Variants in VPS50 observed in about 807,000 individuals in gnomAD.
VPS50 encodes syndetin.
In VPS50, 70 loss-of-function variants were observed where a neutral mutation model predicts 139.7. The observed-to-expected ratio is 0.50, with a 90% confidence interval of 0.41 to 0.61. VPS50 has a LOEUF of 0.61. VPS50 is among the 20% of genes least tolerant of loss of function. VPS50 has a pLI of 0.00. For missense variants in VPS50, 921 were observed against 1,133.7 expected, an observed-to-expected ratio of 0.81 and a Z score of 2.69; for synonymous variants, 365 against 376.7, an observed-to-expected ratio of 0.97 and a Z score of 0.36.
At chr7:93,253,188 G>A (rs776518831) in intron 3 of VPS50, among the ~76,000 whole-genome samples, 14 of 152,126 alleles carry the variant, frequency 9.2e-5, no homozygotes, top group African/African-American at 2.4e-4. Flanking sequence ...GAACTTTAAC[G>A]AAAGTCAGAA....
At chr7:93,277,526 C>T (rs1796194899) in intron 12 of VPS50, among the ~76,000 whole-genome samples, 1 of 152,128 alleles carries the variant, frequency 6.6e-6, no homozygotes, top group Non-Finnish European at 1.5e-5. Flanking sequence ...GTCAAACCTG[C>T]TGGTTATATG....
Position 93,258,292 on chromosome 7 carries a change from T to A in VPS50, c.540+16T>A. On this transcript the variant is annotated intron_variant, in intron 7 of 27. Coordinates refer to ENST00000305866, the MANE Select transcript of VPS50 (RefSeq NM_017667.4). ...AAAAACATTGGTATATATGGGTCAT[T>A]TAAAAAAATTAAAACTGAATTTTGT... is the stretch of plus-strand genomic sequence containing the variant. 6.3e-7 allele frequency: 1 copy of A among 1,579,000 alleles called. No individual in the cohort carries two copies. Among genetic ancestry groups the A allele is most frequent in the South Asian group, 1.1e-5 (1 of 89,974 alleles).
intron 11 of VPS50, among the ~76,000 whole-genome samples, chr7:93,273,713 G>A (rs1796076143): frequency 6.6e-6 from 1 of 151,990 alleles, no homozygotes; most frequent in Non-Finnish European, 1.5e-5. Flanking sequence ...TTACCTTTTA[G>A]TGAGGGATAC....
chr7:93,348,578 G>T, intron 23 of VPS50, 133 bp from the exon 24 acceptor site: 1 of 615,798 alleles, frequency 1.6e-6, no homozygotes, highest in South Asian at 2.0e-5. Flanking sequence ...GTACAGGTTC[G>T]TCCACTAAAG....
intron 23 of VPS50, among the ~76,000 whole-genome samples, chr7:93,343,788 T>C (rs1448501644): frequency 1.3e-5 from 2 of 152,024 alleles, no homozygotes; most frequent in Admixed American, 6.5e-5. Context: ...CTGAGAGATT[T>C]TGTCACCACC....
rs1255790831 is a variant in VPS50, at chr7:93,258,283, A to G, written c.540+7A>G. On this transcript the variant is annotated splice_region_variant and intron_variant, in intron 7 of 27. Transcript: ENST00000305866. ...GAGAACTATAAAAACATTGGTATAT[A>G]TGGGTCATTTAAAAAAATTAAAACT... 1 of 1,564,340 alleles carries G rather than the reference A, an allele frequency of 6.4e-7. No individual in the cohort carries two copies. The highest frequency in any genetic ancestry group is 1.4e-5 in the African/African-American group (1 of 73,818).
rs534270752 is a variant in VPS50, at chr7:93,269,401, T to C, written c.660-1819T>C. 5.9e-5 allele frequency among the ~76,000 whole-genome samples: 9 copies of C among 152,198 alleles called. No homozygotes were observed. In the South Asian group the frequency reaches 1.9e-3, roughly 32 times the overall value. On this transcript the variant is annotated intron_variant, in intron 9 of 27. Transcript: ENST00000305866. ...CTAATAAGGTATCAGTCCTACACTG[T>C]TAATTGTCAAAGGATATAGTTTTGC...
chr7:93,322,732 A>G (rs1469714009), intron 20 of VPS50, among the ~76,000 whole-genome samples: 1 of 152,148 alleles, frequency 6.6e-6, no homozygotes, highest in Non-Finnish European at 1.5e-5. Context: ...TCTGTAGAAG[A>G]AAGTATAGAG....
At chr7:93,299,138 A>G (rs1796900524) in intron 16 of VPS50, among the ~76,000 whole-genome samples, 2 of 152,146 alleles carry the variant, frequency 1.3e-5, no homozygotes, top group African/African-American at 4.8e-5. Flanking sequence ...TCTAGTTTCT[A>G]TCCTGTCTGT....
At chr7:93,353,426 G>A (rs1344653211) in intron 25 of VPS50, among the ~76,000 whole-genome samples, 2 of 152,132 alleles carry the variant, frequency 1.3e-5, no homozygotes, top group Non-Finnish European at 2.9e-5. Context: ...AAAATGTAGT[G>A]TACTCTGTAC....
intron 20 of VPS50, among the ~76,000 whole-genome samples, chr7:93,311,607 A>G (rs1230849320): frequency 6.6e-6 from 1 of 152,100 alleles, no homozygotes; most frequent in Non-Finnish European, 1.5e-5. Flanking sequence ...CATTTATACA[A>G]TATTTTTGTA....
intron 9 of VPS50, among the ~76,000 whole-genome samples, chr7:93,270,712 A>G (rs561452514): frequency 5.3e-5 from 8 of 152,038 alleles, no homozygotes; most frequent in East Asian, 1.9e-4. Flanking sequence ...TGTTTGCTCA[A>G]CGTCCTTGCC....
chr7:93,256,600 T>G, intron 5 of VPS50, 38 bp downstream of exon 5: 1 of 1,121,764 alleles, frequency 8.9e-7, no homozygotes, highest in Non-Finnish European at 1.3e-6. Context: ...GTAGAATTTT[T>G]AAATGTTTGA....
intron 2 of VPS50, among the ~76,000 whole-genome samples, chr7:93,245,218 A>T (rs1240419947): frequency 6.6e-6 from 1 of 151,764 alleles, no homozygotes; most frequent in African/African-American, 2.4e-5. Context: ...TGAGTTGTTG[A>T]GTAGAGGTTG....
chr7:93,281,748 C>T (rs1157623999), intron 12 of VPS50, among the ~76,000 whole-genome samples: 2 of 151,962 alleles, frequency 1.3e-5, no homozygotes, highest in Admixed American at 1.3e-4. Flanking sequence ...AATTATACAA[C>T]TAAAACATTA....
chr7:93,236,031 AG>A (rs1316419702), intron 1 of VPS50, among the ~76,000 whole-genome samples: 4 of 152,242 alleles, frequency 2.6e-5, no homozygotes, highest in African/African-American at 9.6e-5. Context: ...AGAAGTCTTT[AG>A]CTTCCTGAAT....
chr7:93,356,148 T>C, intron 27 of VPS50, 68 bp downstream of exon 27: 1 of 759,392 alleles, frequency 1.3e-6, no homozygotes, highest in Non-Finnish European at 2.0e-6. Flanking sequence ...GTTGGGTGTG[T>C]TATTTAATTC....
intron 1 of VPS50, among the ~76,000 whole-genome samples, chr7:93,237,221 G>A (rs1296852396): frequency 6.6e-6 from 1 of 151,880 alleles, no homozygotes; most frequent in Non-Finnish European, 1.5e-5. Context: ...CTCCCAAAGT[G>A]CTGGGATTAC....
chr7:93,301,409 G>T (rs1193651977), intron 16 of VPS50, among the ~76,000 whole-genome samples: 1 of 152,094 alleles, frequency 6.6e-6, no homozygotes, highest in Non-Finnish European at 1.5e-5. Flanking sequence ...AATAATGCAG[G>T]AACCAACTTT....
Sources: gnomAD v4.1 joint callset for allele counts (sites outside exome capture counted in the v4.1 genomes callset) on GRCh38, gnomAD v4.1.1 for gene constraint, MANE v1.5 for transcripts, NCBI Gene and HGNC (gene_info 2026-07-23, HGNC 2026-07-21) for gene names.